The following GNG10 variants were observed in gnomAD, a reference collection of about 807,000 sequenced individuals.
GNG10 encodes guanine nucleotide-binding protein G(I)/G(S)/G(O) subunit gamma-10.
In GNG10, 7 loss-of-function variants were observed where a neutral mutation model predicts 6.8. That is an observed-to-expected ratio of 1.02 (90% CI 0.58 to 1.92). The LOEUF (loss-of-function observed/expected upper bound fraction) is 1.92. GNG10 is among the 30% of genes most tolerant of loss of function. The pLI is 0.00. For missense variants in GNG10, 57 were observed against 86.1 expected, an observed-to-expected ratio of 0.66 and a Z score of 1.34; for synonymous variants, 28 against 34.8, an observed-to-expected ratio of 0.80 and a Z score of 0.69.
intron 1 of GNG10, among the ~76,000 whole-genome samples, chr9:111,665,792 T>C (rs879455174): frequency 6.6e-6 from 1 of 152,018 alleles, no homozygotes; most frequent in Non-Finnish European, 1.5e-5. Context: ...AATGGTGCGA[T>C]CTCGGCTCAC....
chr9:111,668,447 TCCC>T (rs1589358047), intron 2 of GNG10, among the ~76,000 whole-genome samples: 11 of 109,948 alleles, frequency 1.0e-4, no homozygotes, highest in East Asian at 3.5e-4. Flanking sequence ...TCCCCTCCCC[TCCC>T]CTCTTCTTCC....
intron 1 of GNG10, among the ~76,000 whole-genome samples, chr9:111,664,094 CAA>C (rs1400185031): frequency 6.6e-6 from 1 of 151,976 alleles, no homozygotes; most frequent in Non-Finnish European, 1.5e-5. Flanking sequence ...CTCAAGCTCC[CAA>C]AGTGCTGGGA....
At chr9:111,666,188 T>G (rs1830895429) in intron 1 of GNG10, among the ~76,000 whole-genome samples, 1 of 152,322 alleles carries the variant, frequency 6.6e-6, no homozygotes, top group African/African-American at 2.4e-5. Flanking sequence ...CTCACTTAAT[T>G]GTTACAGCAA....
intron 1 of GNG10, among the ~76,000 whole-genome samples, chr9:111,666,239 G>A (rs1433112409): frequency 6.6e-6 from 1 of 152,140 alleles, no homozygotes; most frequent in Non-Finnish European, 1.5e-5. Flanking sequence ...TTTCTCAGAT[G>A]AGGAAGCAGC....
chr9:111,667,728 T>C (rs147317397), intron 2 of GNG10, among the ~76,000 whole-genome samples: 9 of 152,276 alleles, frequency 5.9e-5, no homozygotes, highest in Admixed American at 1.3e-4. Flanking sequence ...GAGGAAGAAA[T>C]ATAGCTATTG....
intron 2 of GNG10, among the ~76,000 whole-genome samples, 180 bp downstream of exon 2, chr9:111,667,126 T>C (rs1423282231): frequency 1.3e-5 from 2 of 152,220 alleles, no homozygotes; most frequent in African/African-American, 2.4e-5. Flanking sequence ...GCCTGTAGAA[T>C]ACATCTAATC....
At chr9:111,662,829 A>C (rs10981001) in intron 1 of GNG10, among the ~76,000 whole-genome samples, 30,936 of 152,148 alleles carry the variant, frequency 0.2, 3,810 homozygotes, top group East Asian at 0.28. Context: ...GTAAAAGCAG[A>C]ATCTGGACTG....
chr9:111,666,022 A>C (rs1830891889), intron 1 of GNG10, among the ~76,000 whole-genome samples: 1 of 150,252 alleles, frequency 6.7e-6, no homozygotes, highest in Non-Finnish European at 1.5e-5. Flanking sequence ...GGTGTGAGCC[A>C]CTGCGCCCAG....
intron 1 of GNG10, among the ~76,000 whole-genome samples, chr9:111,663,414 G>T (rs942894341): frequency 2.0e-5 from 3 of 152,166 alleles, no homozygotes; most frequent in Non-Finnish European, 2.9e-5. Context: ...GCGTGTGAAG[G>T]TCTGGCCAGA....
chr9:111,667,201 CT>C (rs989774944), intron 2 of GNG10, among the ~76,000 whole-genome samples: 2 of 152,028 alleles, frequency 1.3e-5, no homozygotes, highest in Admixed American at 1.3e-4. Context: ...TACTTGAGCT[CT>C]TTGAGTTGGC....
chr9:111,665,374 TCA>T (rs1262816928), intron 1 of GNG10, among the ~76,000 whole-genome samples: 3 of 152,222 alleles, frequency 2.0e-5, no homozygotes, highest in Non-Finnish European at 1.5e-5. Flanking sequence ...AGATTTATAC[TCA>T]CAGTTCTTAG....
At chr9:111,665,937 T>C (rs1830890313) in intron 1 of GNG10, among the ~76,000 whole-genome samples, 2 of 148,072 alleles carry the variant, frequency 1.4e-5, no homozygotes, top group South Asian at 4.3e-4. Flanking sequence ...GGTTTCACCA[T>C]GTTGGTCAGG....
In GNG10 at chr9:111,663,983, C is replaced by T. The variant is rs556694952; in HGVS notation, c.81+2268C>T. Reference sequence around the variant, plus strand: ...TTACGGGCACCTGCCACCACGTCCACTAATTGGCTTTTTTTTTTTTTTTGT... The same window carrying T: ...TTACGGGCACCTGCCACCACGTCCATTAATTGGCTTTTTTTTTTTTTTTGT... On this transcript the variant is annotated intron_variant, in intron 1 of 2. Transcript: ENST00000374293. 3.1e-3 allele frequency among the ~76,000 whole-genome samples: 472 copies of T among 150,294 alleles called. 2 individuals carry two copies. The highest frequency in any genetic ancestry group is 0.011 in the African/African-American group (454 of 40,750).
Position 111,666,852 on chromosome 9 carries a change from T to G in GNG10, c.119T>G (p.Met40Arg), listed in dbSNP as rs746454143. The G allele has an allele frequency of 3.7e-6, 6 of 1,613,576 alleles. No individual in the cohort carries two copies. Among genetic ancestry groups the G allele is most frequent in the Non-Finnish European group, 5.1e-6 (6 of 1,179,858 alleles). The change falls in exon 2 of 3, where the codon ATG becomes AGG. Residue 40 changes from methionine to arginine, a missense_variant. By Grantham distance (91) the Met-to-Arg change is moderately conservative. Transcript: ENST00000374293. ...QAAAELQQYC[M>R]QNACKDALLV... ...GCTGCAGAGCTTCAACAGTACTGTA[T>G]GCAGAATGCCTGCAAGGATGCCCTG... is the stretch of plus-strand genomic sequence containing the variant.
chr9:111,666,163 C>T (rs1475108), intron 1 of GNG10, among the ~76,000 whole-genome samples: 65,072 of 151,536 alleles, frequency 0.43, 15,558 homozygotes, highest in African/African-American at 0.66. Flanking sequence ...ATTCTAATAG[C>T]TTTATATGTG....
rs1830820636 is a variant in GNG10, at chr9:111,661,700, C to A, written c.66C>A (p.Gly22=). The A allele has an allele frequency of 7.3e-7, 1 of 1,376,764 alleles. No homozygotes were observed. The highest frequency in any genetic ancestry group is 9.6e-7 in the Non-Finnish European group (1 of 1,044,058). The allele number at this position is 1,376,764 out of a possible 1,614,324, so 85.3% of individuals were successfully genotyped here. ...RLVEQLKLEA[G]VERIKVSQAA... is the part of the protein sequence containing the mutation. ...TAGAGCAGCTCAAGTTGGAGGCTGGCGTGGAGAGGATCAAGGTGCGGGCCC... is the reference window on the plus strand; with the variant it reads ...TAGAGCAGCTCAAGTTGGAGGCTGGAGTGGAGAGGATCAAGGTGCGGGCCC... The change falls in exon 1 of 3, where the codon GGC becomes GGA. Residue 22 remains glycine (G), a synonymous_variant. Coordinates refer to ENST00000374293, the MANE Select transcript of GNG10 (RefSeq NM_001017998.4). This position sits in a 1 kb window ranked among gnomAD's most constrained non-coding sequence, Gnocchi z 6.1.
rs1830971369 is a variant in GNG10 at position 111,669,870 on chromosome 9, A to G, written c.*608A>G. 7.4e-6 allele frequency: 1 copy of G among 134,810 alleles called. No individual in the cohort carries two copies. The highest frequency in any genetic ancestry group is 1.5e-5 in the Non-Finnish European group (1 of 64,612). 8.4% of individuals were successfully genotyped at this position (134,810 alleles called of 1,614,324 possible). ...CTAATTATGGGAGCAGATTCTTAGCAAACTTCTTTGGAAAAGTTAATGTTA... is the reference window on the plus strand; with the variant it reads ...CTAATTATGGGAGCAGATTCTTAGCGAACTTCTTTGGAAAAGTTAATGTTA... On this transcript the variant is annotated 3_prime_UTR_variant, in exon 3 of 3. Transcript: ENST00000374293.
In GNG10 at chr9:111,667,887, T is replaced by C. The variant is rs994080085; in HGVS notation, c.*6+941T>C. On this transcript the variant is annotated intron_variant, in intron 2 of 2. Transcript: ENST00000374293. ...TTCCCCCCTCATCGCCGAGACATCTTGCTCTGTCACCCAGGCTGGAGTGCG... is the reference window on the plus strand; with the variant it reads ...TTCCCCCCTCATCGCCGAGACATCTCGCTCTGTCACCCAGGCTGGAGTGCG... Among the ~76,000 whole-genome samples the C allele has an allele frequency of 2.0e-5, 3 of 151,906 alleles. No homozygotes were observed. The South Asian group carries it at 6.2e-4, about 32-fold the overall frequency.
Position 111,661,777 on chromosome 9 carries a change from C to T in GNG10, c.81+62C>T, listed in dbSNP as rs1442602859. On this transcript the variant is annotated intron_variant, in intron 1 of 2. Coordinates refer to ENST00000374293, the MANE Select transcript of GNG10 (RefSeq NM_001017998.4). The surrounding 1 kb of genome is among the most constrained non-coding windows in gnomAD (Gnocchi z 6.1). ...CCCGCGGGGCGTGAGAAGAGGAGGC[C>T]GGCGGCCCGGACCGGGCGCCAGCGG... 4.2e-5 allele frequency: 43 copies of T among 1,033,496 alleles called. No individual in the cohort carries two copies. The highest frequency in any genetic ancestry group is 5.4e-5 in the Non-Finnish European group (43 of 801,394). 64.0% of individuals were successfully genotyped at this position (1,033,496 alleles called of 1,614,324 possible). A position where few individuals can be genotyped will look rare whatever the true frequency, so the allele number is the denominator to read the frequency against.
Sources: allele counts gnomAD v4.1 joint callset (sites outside exome capture counted in the v4.1 genomes callset), GRCh38; gene constraint gnomAD v4.1.1; non-coding constraint Gnocchi (gnomAD v3.1); transcripts MANE v1.5; gene names NCBI Gene and HGNC (gene_info 2026-07-23, HGNC 2026-07-21).